BCHE: variants seen among roughly 807,000 people sequenced by gnomAD.
BCHE encodes cholinesterase.
Under a neutral mutation model 51.3 loss-of-function variants are expected in BCHE, and 48 were observed. The observed-to-expected ratio is 0.94, with a 90% CI of 0.74 to 1.19. The LOEUF (loss-of-function observed/expected upper bound fraction) is 1.19, where lower values mean the gene tolerates loss of function less well. Ranked by LOEUF, BCHE falls within the 50% of genes most tolerant of loss-of-function variation. The pLI is 0.00. For missense variants in BCHE, 847 were observed against 708.2 expected, an observed-to-expected ratio of 1.20 and a Z score of -2.23; for synonymous variants, 251 against 238.0, an observed-to-expected ratio of 1.05 and a Z score of -0.50.
chr3:165,836,235 A>G (rs1010181870), intron 1 of BCHE, among the ~76,000 whole-genome samples: 4 of 151,986 alleles, frequency 2.6e-5, no homozygotes, highest in Non-Finnish European at 5.9e-5. Flanking sequence ...TTATATCCAG[A>G]GAAAATTCTG....
intron 2 of BCHE, among the ~76,000 whole-genome samples, chr3:165,809,116 TA>T (rs974021813): frequency 3.4e-4 from 52 of 152,280 alleles, no homozygotes; most frequent in African/African-American, 1.3e-3. Flanking sequence ...AAAATATTAT[TA>T]AATTTTTTAA....
At position 165,773,247 on chromosome 3, in the gene BCHE, G is replaced by C. The variant is rs1184016439; in HGVS notation, c.*135C>G. 3 of 777,046 alleles carry C rather than the reference G, an allele frequency of 3.9e-6. No individual in the cohort carries two copies. The highest frequency in any genetic ancestry group is 6.1e-6 in the Non-Finnish European group (3 of 491,756). 48.1% of individuals were successfully genotyped at this position (777,046 alleles called of 1,614,324 possible). Reference sequence around the variant, plus strand: ...AGGTAAAATACTAAGTTAAAGATGTGAGGAATCAATATTATCCTTCTGGCA... The same window carrying C: ...AGGTAAAATACTAAGTTAAAGATGTCAGGAATCAATATTATCCTTCTGGCA... On this transcript the variant is annotated 3_prime_UTR_variant, in exon 4 of 4. Coordinates refer to ENST00000264381, the MANE Select transcript of BCHE (RefSeq NM_000055.4).
chr3:165,792,812 T>G (rs1713220760), intron 2 of BCHE, among the ~76,000 whole-genome samples: 1 of 152,208 alleles, frequency 6.6e-6, no homozygotes, highest in Admixed American at 6.5e-5. Context: ...TGTATTGCAA[T>G]AAAAACTGAT....
In BCHE at chr3:165,830,835, C is replaced by G; in HGVS notation, c.199G>C (p.Gly67Arg). 1.2e-6 allele frequency: 2 copies of G among 1,613,878 alleles called. No homozygotes were observed. Among genetic ancestry groups the G allele is most frequent in the Non-Finnish European group, 1.7e-6 (2 of 1,179,914 alleles). The change falls in exon 2 of 4, where the codon GGT becomes CGT. Residue 67 changes from glycine (G) to arginine (R), a missense_variant. Coordinates refer to ENST00000264381, the MANE Select transcript of BCHE (RefSeq NM_000055.4). Reference protein sequence around the residue: ...LGIPYAQPPLGRLRFKKPQSL... With the variant: ...LGIPYAQPPLRRLRFKKPQSL... Reference sequence around the variant, plus strand: ...TGTGGCTTTTTGAATCGAAGTCTACCAAGAGGTGGCTGTGCATAGGGAATT... The same window carrying G: ...TGTGGCTTTTTGAATCGAAGTCTACGAAGAGGTGGCTGTGCATAGGGAATT...
intron 2 of BCHE, among the ~76,000 whole-genome samples, chr3:165,818,714 A>C (rs1436327691): frequency 1.5e-4 from 23 of 152,188 alleles, no homozygotes; most frequent in Admixed American, 1.5e-3. Context: ...TAGTGAAAAG[A>C]ACAACAATAC....
rs1442458011 is a variant in BCHE, at chr3:165,830,033, A to T, written c.1001T>A (p.Leu334Ter). 1 of 1,613,796 alleles carries T rather than the reference A, an allele frequency of 6.2e-7. No individual in the cohort carries two copies. The highest frequency in any genetic ancestry group is 2.2e-5 in the East Asian group (1 of 44,862). ...GDFLTDMPDI[L>*]LELGQFKKTQ... is the part of the protein sequence containing the mutation. Reference sequence around the variant, plus strand: ...TTTTTTAAATTGTCCAAGTTCAAGTAATATGTCTGGCATGTCAGTGAGAAA... The same window carrying T: ...TTTTTTAAATTGTCCAAGTTCAAGTTATATGTCTGGCATGTCAGTGAGAAA... Residue 334 changes from leucine to a stop codon, truncating the protein, a stop_gained, in exon 2 of 4, where the codon TTA (leucine) becomes TAA (stop). Coordinates refer to ENST00000264381, the MANE Select transcript of BCHE (RefSeq NM_000055.4). LOFTEE classifies it high-confidence loss of function.
Position 165,773,088 on chromosome 3 carries a change from G to GA in BCHE, c.*293dup, listed in dbSNP as rs3836432. 0.93 allele frequency: 217,961 copies of GA among 235,276 alleles called. 101,601 individuals are homozygous for GA. The highest frequency in any genetic ancestry group is 0.96 in the Non-Finnish European group (116,485 of 120,714). The allele number at this position is 235,276 out of a possible 1,614,324, so 14.6% of individuals were successfully genotyped here. On this transcript the variant is annotated 3_prime_UTR_variant, in exon 4 of 4. Transcript: ENST00000264381. Reference sequence around the variant, plus strand: ...AGCAGAGCACTGATAATTTTGGGGGGAAAAACTTAAATTTATTAAGGAAAG... The same window carrying GA: ...AGCAGAGCACTGATAATTTTGGGGGGAAAAAACTTAAATTTATTAAGGAAAG...
chr3:165,829,875 GA>G lies in BCHE; in HGVS notation c.1158del (p.Pro387GlnfsTer3), dbSNP rs767469658. The stretch of plus-strand genomic sequence containing the variant: ...TCCTTTCCAAACTCACTCACTCCTG[GA>G]AAAAATATTTTTAAACCTTCCTGAA... ...KEFQEGLKIFFPGVSEFGKES... is the reference protein window; with the variant it reads ...KEFQEGLKIFXPGVSEFGKES... On this transcript the variant is annotated frameshift_variant, in exon 2 of 4. Coordinates refer to ENST00000264381, the MANE Select transcript of BCHE (RefSeq NM_000055.4). LOFTEE classifies it high-confidence loss of function. 3 of 1,611,226 alleles carry G rather than the reference GA, an allele frequency of 1.9e-6. No homozygotes were observed. The highest frequency in any genetic ancestry group is 1.7e-5 in the Admixed American group (1 of 59,328).
chr3:165,797,693 A>G (rs1713470250), intron 2 of BCHE, among the ~76,000 whole-genome samples: 1 of 152,138 alleles, frequency 6.6e-6, no homozygotes, highest in Middle Eastern at 3.4e-3. Flanking sequence ...AGTCTTCCAA[A>G]TTCTATCGGT....
intron 2 of BCHE, among the ~76,000 whole-genome samples, chr3:165,789,437 A>G (rs1013362753): frequency 6.6e-6 from 1 of 152,144 alleles, no homozygotes; most frequent in African/African-American, 2.4e-5. Context: ...ATGCCCTGAT[A>G]TGAAGAAAAA....
chr3:165,832,544 G>C (rs944140180), intron 1 of BCHE, among the ~76,000 whole-genome samples: 3 of 151,922 alleles, frequency 2.0e-5, no homozygotes, highest in African/African-American at 7.3e-5. Flanking sequence ...CACTTACCTC[G>C]GCCTCCCAAA....
At chr3:165,794,025 C>T (rs1248762275) in intron 2 of BCHE, among the ~76,000 whole-genome samples, 6 of 150,612 alleles carry the variant, frequency 4.0e-5, no homozygotes, top group East Asian at 3.9e-4. Flanking sequence ...CCAGCCTGGG[C>T]GATGGAGCGA....
At chr3:165,786,712 G>A (rs1400125827) in intron 2 of BCHE, among the ~76,000 whole-genome samples, 2 of 151,456 alleles carry the variant, frequency 1.3e-5, no homozygotes, top group Non-Finnish European at 3.0e-5. Flanking sequence ...CTCATCTTTT[G>A]CATCTATTTC....
chr3:165,793,739 C>A (rs935773778), intron 2 of BCHE, among the ~76,000 whole-genome samples: 4 of 152,170 alleles, frequency 2.6e-5, no homozygotes, highest in Non-Finnish European at 5.9e-5. Context: ...CACCCTGGGA[C>A]AACTTTTCAG....
intron 2 of BCHE, among the ~76,000 whole-genome samples, chr3:165,819,492 A>G (rs138756614): frequency 4.6e-3 from 699 of 152,218 alleles, no homozygotes; most frequent in Non-Finnish European, 7.8e-3. Context: ...TATCATTCCA[A>G]TTCTTTTCTA....
chr3:165,837,002 C>A (rs1164762201), intron 1 of BCHE, among the ~76,000 whole-genome samples: 1 of 152,030 alleles, frequency 6.6e-6, no homozygotes, highest in Non-Finnish European at 1.5e-5. Flanking sequence ...AATGTTTTTT[C>A]TTAGGAAACT....
intron 1 of BCHE, among the ~76,000 whole-genome samples, chr3:165,836,454 T>A (rs913622290): frequency 6.6e-6 from 1 of 151,864 alleles, no homozygotes; most frequent in South Asian, 2.1e-4. Context: ...GAAGACATAC[T>A]CATAAAATAA....
chr3:165,814,989 T>C (rs1006448845), intron 2 of BCHE, among the ~76,000 whole-genome samples: 10 of 148,634 alleles, frequency 6.7e-5, no homozygotes, highest in Admixed American at 2.0e-4. Flanking sequence ...AGTAAATATT[T>C]ATAATTAAAT....
chr3:165,810,402 A>T (rs545414835), intron 2 of BCHE, among the ~76,000 whole-genome samples: 79 of 152,210 alleles, frequency 5.2e-4, no homozygotes, highest in Non-Finnish European at 5.4e-4. Flanking sequence ...GATTCCCAGC[A>T]CATCCATTTC....
Sources: gnomAD v4.1 joint callset for allele counts (sites outside exome capture counted in the v4.1 genomes callset) on GRCh38, gnomAD v4.1.1 for gene constraint, MANE v1.5 for transcripts, NCBI Gene and HGNC (gene_info 2026-07-23, HGNC 2026-07-21) for gene names.